The following KCNH7 variants were observed in gnomAD, a reference collection of about 807,000 sequenced individuals.
KCNH7 encodes voltage-gated inwardly rectifying potassium channel KCNH7.
KCNH7 carries 49 observed loss-of-function variants against 120.8 expected under a neutral mutation model. That is an observed-to-expected ratio of 0.41 (90% CI 0.32 to 0.51). The LOEUF (loss-of-function observed/expected upper bound fraction) is 0.51, where lower values mean the gene tolerates loss of function less well. Ranked by LOEUF, KCNH7 falls within the 20% of genes least tolerant of loss-of-function variation. The pLI is 0.38. For missense variants in KCNH7, 1,097 were observed against 1,446.6 expected (o/e 0.76, Z 3.92); for synonymous variants, 547 against 516.1 (o/e 1.06, Z -0.81).
intron 2 of KCNH7, among the ~76,000 whole-genome samples, chr2:162,816,494 T>C (rs532249461): frequency 6.6e-6 from 1 of 152,108 alleles, no homozygotes; most frequent in East Asian, 1.9e-4. Flanking sequence ...TCAGAGACTA[T>C]TGAAGATCTA....
intron 2 of KCNH7, among the ~76,000 whole-genome samples, chr2:162,608,222 T>C (rs957929236): frequency 6.6e-6 from 1 of 152,190 alleles, no homozygotes; most frequent in Non-Finnish European, 1.5e-5. Context: ...CGGATACTGG[T>C]ATGGCCCAGA....
At chr2:162,702,184 TA>T (rs1396235583) in intron 2 of KCNH7, among the ~76,000 whole-genome samples, 2 of 152,038 alleles carry the variant, frequency 1.3e-5, no homozygotes, top group Admixed American at 6.6e-5. Flanking sequence ...GCAAGAATGA[TA>T]AAAAATGTTC....
intron 2 of KCNH7, among the ~76,000 whole-genome samples, chr2:162,757,792 G>A (rs1688838661): frequency 1.3e-5 from 2 of 152,132 alleles, no homozygotes; most frequent in Admixed American, 1.3e-4. Context: ...GCAGATGAAT[G>A]TCTTGTTTCT....
chr2:162,471,792 C>T (rs1689542761), intron 6 of KCNH7, among the ~76,000 whole-genome samples: 2 of 152,228 alleles, frequency 1.3e-5, no homozygotes, highest in South Asian at 4.2e-4. Context: ...CAATCCTAAG[C>T]CAAAAGAACA....
At chr2:162,742,536 A>G (rs1033631183) in intron 2 of KCNH7, among the ~76,000 whole-genome samples, 2 of 152,140 alleles carry the variant, frequency 1.3e-5, no homozygotes, top group Non-Finnish European at 2.9e-5. Flanking sequence ...AATGCTTTAT[A>G]TTTTCTTTTT....
intron 2 of KCNH7, among the ~76,000 whole-genome samples, chr2:162,560,581 C>T (rs1693027273): frequency 6.6e-6 from 1 of 152,134 alleles, no homozygotes; most frequent in Non-Finnish European, 1.5e-5. Flanking sequence ...GTGTAAAAGG[C>T]TATGTGCAAT....
chr2:162,696,990 A>G (rs140362646), intron 2 of KCNH7, among the ~76,000 whole-genome samples: 2 of 152,248 alleles, frequency 1.3e-5, no homozygotes, highest in East Asian at 1.9e-4. Flanking sequence ...TCTATTAGTT[A>G]TTTTCATTTA....
At chr2:162,785,331 A>T (rs1470807812) in intron 2 of KCNH7, among the ~76,000 whole-genome samples, 1 of 152,232 alleles carries the variant, frequency 6.6e-6, no homozygotes, top group Non-Finnish European at 1.5e-5. Context: ...CCAGTTAGCA[A>T]TATCTGTCCT....
chr2:162,577,398 C>T (rs201674858), intron 2 of KCNH7, among the ~76,000 whole-genome samples: 36 of 75,012 alleles, frequency 4.8e-4, no homozygotes, highest in Admixed American at 2.0e-3. Context: ...TCTATCTATC[C>T]ATCTATCTAT....
intron 9 of KCNH7, among the ~76,000 whole-genome samples, chr2:162,419,532 G>A (rs1227636784): frequency 6.6e-6 from 1 of 152,116 alleles, no homozygotes; most frequent in Non-Finnish European, 1.5e-5. Context: ...GTGGCAGACT[G>A]AGAGTTAGTT....
intron 2 of KCNH7, among the ~76,000 whole-genome samples, chr2:162,723,035 C>T (rs1285468030): frequency 6.6e-6 from 1 of 151,138 alleles, no homozygotes; most frequent in Non-Finnish European, 1.5e-5. Flanking sequence ...ATCCTGTTGA[C>T]CTTGTTGAGC....
chr2:162,689,831 C>G (rs1686037914), intron 2 of KCNH7, among the ~76,000 whole-genome samples: 1 of 151,978 alleles, frequency 6.6e-6, no homozygotes, highest in South Asian at 2.1e-4. Context: ...GAGAGAAGCC[C>G]AAATAACAGA....
intron 2 of KCNH7, among the ~76,000 whole-genome samples, chr2:162,557,432 T>C (rs1216472532): frequency 6.6e-6 from 1 of 152,144 alleles, no homozygotes; most frequent in Non-Finnish European, 1.5e-5. Context: ...ATTCTATTGG[T>C]CAATGAGTCC....
intron 9 of KCNH7, among the ~76,000 whole-genome samples, chr2:162,415,656 C>T (rs1022403546): frequency 5.3e-5 from 8 of 152,102 alleles, no homozygotes; most frequent in African/African-American, 1.7e-4. Flanking sequence ...AAACCATAAA[C>T]TTATGACAAC....
At chr2:162,475,951 C>T (rs1287443088) in intron 6 of KCNH7, among the ~76,000 whole-genome samples, 2 of 152,198 alleles carry the variant, frequency 1.3e-5, no homozygotes, top group African/African-American at 4.8e-5. Context: ...TGTATGAACA[C>T]TGAAATTCCC....
At chr2:162,644,516 G>C (rs12469794) in intron 2 of KCNH7, among the ~76,000 whole-genome samples, 3 of 151,840 alleles carry the variant, frequency 2.0e-5, no homozygotes, top group African/African-American at 7.3e-5. Context: ...TAACCAAAAC[G>C]GTACTTCAGT....
At chr2:162,768,809 G>A (rs1379288990) in intron 2 of KCNH7, 1 of 152,290 alleles carries the variant, frequency 6.6e-6, no homozygotes, top group Non-Finnish European at 1.5e-5. Flanking sequence ...TCTGTCCAAG[G>A]GCAGTCTGTG....
intron 6 of KCNH7, among the ~76,000 whole-genome samples, chr2:162,491,543 C>G (rs1690308444): frequency 6.6e-6 from 1 of 152,138 alleles, no homozygotes; most frequent in African/African-American, 2.4e-5. Context: ...ATGACACAGA[C>G]AAGGTATAGG....
At chr2:162,744,531 T>C (rs1012942569) in intron 2 of KCNH7, among the ~76,000 whole-genome samples, 4 of 151,706 alleles carry the variant, frequency 2.6e-5, no homozygotes, top group Non-Finnish European at 5.9e-5. Flanking sequence ...CCTGACCGTT[T>C]AGTTCTACAC....
Sources: allele counts gnomAD v4.1 joint callset (sites outside exome capture counted in the v4.1 genomes callset), GRCh38; gene constraint gnomAD v4.1.1; transcripts MANE v1.5; gene names NCBI Gene and HGNC (gene_info 2026-07-23, HGNC 2026-07-21).